Variants in CASZ1 observed in about 807,000 individuals in gnomAD.
The protein encoded by CASZ1 is castor zinc finger 1.
A neutral mutation model predicts 135.2 loss-of-function variants in CASZ1; 28 were observed. That is an observed-to-expected ratio of 0.21 (90% CI 0.15 to 0.28). The LOEUF (loss-of-function observed/expected upper bound fraction) is 0.28. Ranked by LOEUF, CASZ1 falls within the 10% of genes least tolerant of loss-of-function variation. CASZ1 has a pLI of 1.00. For synonymous variants in CASZ1, 1,068 were observed against 1,073.4 expected, an observed-to-expected ratio of 0.99 and a Z score of 0.10; for missense variants, 2,161 against 2,453.3, an observed-to-expected ratio of 0.88 and a Z score of 2.52.
At chr1:10,713,461 A>G (rs1347698914) in intron 2 of CASZ1, among the ~76,000 whole-genome samples, 1 of 152,218 alleles carries the variant, frequency 6.6e-6, no homozygotes, top group East Asian at 1.9e-4. Flanking sequence ...TTTAAGAGTC[A>G]TTAGAGTCAG....
chr1:10,784,574 G>GT (rs1010077416), intron 1 of CASZ1, among the ~76,000 whole-genome samples: 1 of 151,934 alleles, frequency 6.6e-6, no homozygotes, highest in African/African-American at 2.4e-5. Context: ...GTTTTGTTTT[G>GT]TTTTTTTGAG....
At chr1:10,781,382 C>T (rs747296786) in intron 1 of CASZ1, among the ~76,000 whole-genome samples, 2 of 152,214 alleles carry the variant, frequency 1.3e-5, no homozygotes, top group East Asian at 1.9e-4. Context: ...GCCACACTCC[C>T]GTCTGCGAGG....
Position 10,747,199 on chromosome 1 carries a change from T to C in CASZ1, c.-77+13502A>G, listed in dbSNP as rs1640060293. On this transcript the variant is annotated intron_variant, in intron 2 of 20. Transcript: ENST00000377022. The surrounding 1 kb of genome is among the most constrained non-coding windows in gnomAD (Gnocchi z 4.3). ...CCATACCCTCTGAGCCTCTGGCCCT[T>C]GGAGACATAGGCCACCTGAGACTAA... Among the ~76,000 whole-genome samples, 1 of 151,672 alleles carries C rather than the reference T, an allele frequency of 6.6e-6. No individual in the cohort carries two copies. The highest frequency in any genetic ancestry group is 1.5e-5 in the Non-Finnish European group (1 of 68,034).
At chr1:10,643,137 T>G (rs371515872) in intron 19 of CASZ1, 23 bp downstream of exon 19, 4 of 1,600,782 alleles carry the variant, frequency 2.5e-6, no homozygotes, top group Non-Finnish European at 2.6e-6. Context: ...CTGGCTGGGC[T>G]CTCACCTGGG....
rs150917673 is a variant in CASZ1, at chr1:10,655,705, C to T, written c.1609G>A (p.Val537Ile). The T allele has an allele frequency of 5.2e-4, 845 of 1,614,144 alleles. 2 individuals carry two copies. The highest frequency in any genetic ancestry group is 2.1e-3 in the Middle Eastern group (13 of 6,060). ...MRFSPLDDCS[V>I]YYHGCHLNGK... is the part of the protein sequence containing the mutation. Reference sequence around the variant, plus strand: ...TTGAGGTGGCAGCCGTGGTAGTAGACGCTGCAGTCGTCCAGCGGGCTGAAA... The same window carrying T: ...TTGAGGTGGCAGCCGTGGTAGTAGATGCTGCAGTCGTCCAGCGGGCTGAAA... Residue 537 changes from valine to isoleucine, a missense_variant, in exon 9 of 21, where the codon GTC (valine) becomes ATC (isoleucine). Coordinates refer to ENST00000377022, the MANE Select transcript of CASZ1 (RefSeq NM_001079843.3).
chr1:10,729,654 TACGTGCCCTATTCA>T, intron 2 of CASZ1, among the ~76,000 whole-genome samples: 1 of 152,350 alleles, frequency 6.6e-6, no homozygotes, highest in South Asian at 2.1e-4. Context: ...ACACAGTTTC[TACGTGCCCTATTCA>T]ACGTGGGGAC....
In CASZ1 at chr1:10,794,146, CGCGTGTGTGT is replaced by C. The variant is rs1294496149; in HGVS notation, c.-234+2408_-234+2417del. 1.3e-5 allele frequency among the ~76,000 whole-genome samples: 2 copies of C among 150,734 alleles called. No homozygotes were observed. Among genetic ancestry groups the C allele is most frequent in the African/African-American group, 4.9e-5 (2 of 41,026 alleles). On this transcript the variant is annotated intron_variant, in intron 1 of 20. Coordinates refer to ENST00000377022, the MANE Select transcript of CASZ1 (RefSeq NM_001079843.3). The surrounding 1 kb of genome is among the most constrained non-coding windows in gnomAD (Gnocchi z 5.6). Reference sequence around the variant, plus strand: ...TTTAGGACGGCGACGTGTGTGTGTGCGCGTGTGTGTGCGTGTTTGTATGTGTATGCGTGTG... The same window carrying C: ...TTTAGGACGGCGACGTGTGTGTGTGCGCGTGTTTGTATGTGTATGCGTGTG...
chr1:10,734,179 C>A (rs866776750), intron 2 of CASZ1, among the ~76,000 whole-genome samples: 2 of 151,978 alleles, frequency 1.3e-5, no homozygotes, highest in African/African-American at 4.8e-5. Context: ...AGCCGCCCCC[C>A]TTCCTGAGCC....
chr1:10,673,154 A>G (rs1317219508), intron 4 of CASZ1, among the ~76,000 whole-genome samples: 1 of 152,094 alleles, frequency 6.6e-6, no homozygotes, highest in South Asian at 2.1e-4. Flanking sequence ...GGAGGAAAAG[A>G]GGGAATTCAA....
At chr1:10,705,292 G>A (rs553511907) in intron 3 of CASZ1, among the ~76,000 whole-genome samples, 200 bp downstream of exon 3, 1 of 152,334 alleles carries the variant, frequency 6.6e-6, no homozygotes, top group East Asian at 1.9e-4. Context: ...AAGCCAAACC[G>A]AGGGGATCCT....
chr1:10,653,481 G>A lies in CASZ1; in HGVS notation c.2576C>T (p.Pro859Leu), dbSNP rs1327894498. ...PVAAASVPAP[P>L]ASIMERISAS... The stretch of plus-strand genomic sequence containing the variant: ...AGAGATCCTCTCCATGATGGAGGCG[G>A]GTGGTGCCGGGACAGAGGCGGCAGC... The change falls in exon 11 of 21, where the codon CCC becomes CTC. Residue 859 changes from proline (P) to leucine (L), a missense_variant. Physicochemically the swap from Pro to Leu is moderately conservative, Grantham distance 98 (BLOSUM62 -3). Coordinates refer to ENST00000377022, the MANE Select transcript of CASZ1 (RefSeq NM_001079843.3). 1.2e-6 allele frequency: 2 copies of A among 1,613,030 alleles called. No homozygotes were observed. Among genetic ancestry groups the A allele is most frequent in the Admixed American group, 3.3e-5 (2 of 60,018 alleles).
chr1:10,659,812 G>A lies in CASZ1; in HGVS notation c.1230C>T (p.Pro410=), dbSNP rs1473164109. The part of the protein sequence containing the change: ...LASVPSAPSA[P]GPGPEPPASL... ...AGGCAGGAGGCTCTGGCCCTGGCCC[G>A]GGGGCGCTGGGGGCACTGGGCACGC... Residue 410 remains proline, a synonymous_variant, in exon 6 of 21, where the codon CCC becomes CCT. Coordinates refer to ENST00000377022, the MANE Select transcript of CASZ1 (RefSeq NM_001079843.3). The A allele has an allele frequency of 9.3e-6, 15 of 1,613,140 alleles. No homozygotes were observed. Among genetic ancestry groups the A allele is most frequent in the Admixed American group, 1.7e-5 (1 of 59,998 alleles).
intron 2 of CASZ1, among the ~76,000 whole-genome samples, chr1:10,743,858 G>A (rs931455304): frequency 5.4e-5 from 8 of 148,804 alleles, no homozygotes; most frequent in Admixed American, 2.0e-4. Flanking sequence ...GAAAGGGAGG[G>A]AGGGAGGGAG....
At chr1:10,772,828 G>A (rs1570580097) in intron 1 of CASZ1, among the ~76,000 whole-genome samples, 1 of 152,290 alleles carries the variant, frequency 6.6e-6, no homozygotes, top group East Asian at 1.9e-4. Flanking sequence ...CTGTATGGGT[G>A]GGCTCAGTAA....
intron 4 of CASZ1, among the ~76,000 whole-genome samples, chr1:10,672,215 CCGCCA>C (rs1553129530): frequency 1.4e-5 from 2 of 140,182 alleles, no homozygotes; most frequent in African/African-American, 2.7e-5. Context: ...CCCCCTCCCC[CCGCCA>C]CCCCCTCCCC....
intron 2 of CASZ1, among the ~76,000 whole-genome samples, chr1:10,749,869 C>G (rs1640117949): frequency 6.6e-6 from 1 of 152,142 alleles, no homozygotes; most frequent in African/African-American, 2.4e-5. Flanking sequence ...CCCTGCTCCC[C>G]AGAAGGGCAC....
In CASZ1 at chr1:10,727,842, G is replaced by A. The variant is rs924068551; in HGVS notation, c.-76-22298C>T. 6.6e-6 allele frequency among the ~76,000 whole-genome samples: 1 copy of A among 152,234 alleles called. No individual in the cohort carries two copies. The highest frequency in any genetic ancestry group is 1.5e-5 in the Non-Finnish European group (1 of 68,036). ...TGGGAACCTGTGGAGCCCCTGGCTA[G>A]TGGCCAGACAGCATGTATGAGTGTT... On this transcript the variant is annotated intron_variant, in intron 2 of 20. Transcript: ENST00000377022. The surrounding 1 kb of genome is among the most constrained non-coding windows in gnomAD (Gnocchi z 5.3).
chr1:10,755,562 C>T lies in CASZ1; in HGVS notation c.-77+5139G>A, dbSNP rs60950080. Reference sequence around the variant, plus strand: ...AGTAGCTCCAGACAGGGCAGGTGCCCCCAGCCCTTCCCAATCCCTCTTCCC... The same window carrying T: ...AGTAGCTCCAGACAGGGCAGGTGCCTCCAGCCCTTCCCAATCCCTCTTCCC... On this transcript the variant is annotated intron_variant, in intron 2 of 20. Coordinates refer to ENST00000377022, the MANE Select transcript of CASZ1 (RefSeq NM_001079843.3). This position sits in a 1 kb window ranked among gnomAD's most constrained non-coding sequence, Gnocchi z 4.3. Among the ~76,000 whole-genome samples, 648 of 152,228 alleles carry T rather than the reference C, an allele frequency of 4.3e-3. 4 individuals carry two copies. The highest frequency in any genetic ancestry group is 0.015 in the African/African-American group (613 of 41,556).
At chr1:10,778,069 A>C (rs1640693326) in intron 1 of CASZ1, among the ~76,000 whole-genome samples, 1 of 152,008 alleles carries the variant, frequency 6.6e-6, no homozygotes, top group Non-Finnish European at 1.5e-5. Context: ...AAAATCTCAC[A>C]CACACAATCT....
Sources: gnomAD v4.1 joint callset for allele counts (sites outside exome capture counted in the v4.1 genomes callset) on GRCh38, gnomAD v4.1.1 for gene constraint, Gnocchi (gnomAD v3.1) non-coding constraint, MANE v1.5 for transcripts, NCBI Gene and HGNC (gene_info 2026-07-23, HGNC 2026-07-21) for gene names.